Variants in AGBL1 observed in about 807,000 individuals in gnomAD.
AGBL1 encodes AGBL carboxypeptidase 1, also known as cytosolic carboxypeptidase 4.
Under a neutral mutation model 118.9 loss-of-function variants are expected in AGBL1, and 130 were observed. The ratio of observed to expected loss-of-function variants is 1.09; its 90% CI spans 0.95 to 1.26. The LOEUF is 1.26. AGBL1 is among the 50% of genes most tolerant of loss of function. The probability of loss-of-function intolerance (pLI) is 0.00; values close to 1 mark genes in which losing one functional copy is unlikely to be tolerated. For synonymous variants in AGBL1, 555 were observed against 478.9 expected, an observed-to-expected ratio of 1.16 and a Z score of -2.08; for missense variants, 1,584 against 1,298.1, an observed-to-expected ratio of 1.22 and a Z score of -3.38.
In AGBL1 at chr15:86,298,259, A is replaced by ATATATATATATATGGTAAC. The variant is rs1567185647; in HGVS notation, c.2374+2864_2374+2865insGGTAACTATATATATATAT. On this transcript the variant is annotated intron_variant, in intron 17 of 22. Coordinates refer to ENST00000614907, the MANE Select transcript of AGBL1 (RefSeq NM_001386094.1). Reference sequence around the variant, plus strand: ...GTGTCTGTGTATAATATATATATATATATATATATATATATATATATGGTA... The same window carrying ATATATATATATATGGTAAC: ...GTGTCTGTGTATAATATATATATATATATATATATATATGGTAACTATATATATATATATATATATGGTA... 4.4e-4 allele frequency among the ~76,000 whole-genome samples: 42 copies of ATATATATATATATGGTAAC among 96,076 alleles called. 1 individual carries two copies. The highest frequency in any genetic ancestry group is 4.7e-3 in the Middle Eastern group (1 of 214). The allele number at this position is 96,076 out of a possible 152,430, so 63.0% of individuals were successfully genotyped here.
intron 18 of AGBL1, among the ~76,000 whole-genome samples, chr15:86,489,740 C>CA (rs1421687150): frequency 1.3e-5 from 2 of 152,232 alleles, no homozygotes; most frequent in Non-Finnish European, 2.9e-5. Flanking sequence ...AAGCCCAAGA[C>CA]ATTTGCGATT....
chr15:86,651,440 A>G (rs1419571347), intron 21 of AGBL1, among the ~76,000 whole-genome samples: 2 of 152,198 alleles, frequency 1.3e-5, no homozygotes, highest in African/African-American at 4.8e-5. Flanking sequence ...AGAAACACAT[A>G]AGAAATGGCA....
At chr15:86,605,736 G>A (rs1027668171) in intron 21 of AGBL1, among the ~76,000 whole-genome samples, 1 of 148,418 alleles carries the variant, frequency 6.7e-6, no homozygotes, top group African/African-American at 2.5e-5. Flanking sequence ...TTACTGACGT[G>A]GACTCAGGCT....
chr15:86,891,865 A>G (rs2080057224), intron 22 of AGBL1, among the ~76,000 whole-genome samples: 1 of 152,208 alleles, frequency 6.6e-6, no homozygotes, highest in Non-Finnish European at 1.5e-5. Flanking sequence ...GAGCAAATGA[A>G]TGTGGTTTGG....
chr15:86,606,126 C>CAAAAAAAAAAAAAAAAAAAA (rs10675845), intron 21 of AGBL1, among the ~76,000 whole-genome samples: 1 of 96,866 alleles, frequency 1.0e-5, no homozygotes, highest in Non-Finnish European at 1.9e-5. Flanking sequence ...GACTCCATCT[C>CAAAAAAAAAAAAAAAAAAAA]AAAAAAAAAA....
intron 23 of AGBL1, among the ~76,000 whole-genome samples, chr15:86,963,962 G>A (rs566712268): frequency 6.6e-6 from 1 of 150,460 alleles, no homozygotes; most frequent in Non-Finnish European, 1.5e-5. Flanking sequence ...AGAATAGAAA[G>A]CCAGCTCTGC....
chr15:86,096,970 G>C (rs113864811), intron 1 of AGBL1, among the ~76,000 whole-genome samples: 1 of 152,066 alleles, frequency 6.6e-6, no homozygotes, highest in Non-Finnish European at 1.5e-5. Context: ...TAATAGGAGG[G>C]ACCTAAAACA....
At chr15:86,924,519 T>A (rs1218645565) in intron 23 of AGBL1, among the ~76,000 whole-genome samples, 1 of 152,198 alleles carries the variant, frequency 6.6e-6, no homozygotes, top group Non-Finnish European at 1.5e-5. Flanking sequence ...ATAATGAATG[T>A]GGAGGGTGCT....
At chr15:86,207,370 G>A (rs1010818092) in intron 5 of AGBL1, among the ~76,000 whole-genome samples, 4 of 152,172 alleles carry the variant, frequency 2.6e-5, no homozygotes, top group Non-Finnish European at 5.9e-5. Context: ...TAGCTTGATG[G>A]GGATGGCATT....
intron 22 of AGBL1, among the ~76,000 whole-genome samples, chr15:86,905,958 C>G (rs2080275216): frequency 6.6e-6 from 1 of 152,204 alleles, no homozygotes; most frequent in Admixed American, 6.5e-5. Flanking sequence ...CAATGTCCCA[C>G]CAGACCTTCA....
At chr15:86,080,948 T>A (rs1407532099) in intron 1 of AGBL1, among the ~76,000 whole-genome samples, 2 of 149,036 alleles carry the variant, frequency 1.3e-5, no homozygotes, top group East Asian at 3.9e-4. Flanking sequence ...CGGGGGGGGG[T>A]CCATGACCCC....
At chr15:86,992,694 G>C (rs1596716694) in intron 24 of AGBL1, among the ~76,000 whole-genome samples, 1 of 150,714 alleles carries the variant, frequency 6.6e-6, no homozygotes, top group South Asian at 2.1e-4. Context: ...TTGCCAACCA[G>C]GATTGCAAGG....
intron 22 of AGBL1, among the ~76,000 whole-genome samples, chr15:86,688,298 AAAG>A (rs1347741215): frequency 6.6e-6 from 1 of 151,976 alleles, no homozygotes; most frequent in African/African-American, 2.4e-5. Flanking sequence ...AAGGGAGGAG[AAAG>A]AAGGGAAGGA....
chr15:86,512,467 C>A (rs977431403), intron 18 of AGBL1, among the ~76,000 whole-genome samples: 6 of 151,688 alleles, frequency 4.0e-5, no homozygotes, highest in South Asian at 4.2e-4. Context: ...GTTCAATTTT[C>A]TTTTGAAACA....
intron 22 of AGBL1, among the ~76,000 whole-genome samples, chr15:86,723,976 C>T (rs1439647516): frequency 6.6e-6 from 1 of 152,106 alleles, no homozygotes; most frequent in Non-Finnish European, 1.5e-5. Context: ...TGGCTCAAGC[C>T]TGTAATCCCA....
chr15:86,240,126 C>T (rs2078618963), intron 6 of AGBL1, among the ~76,000 whole-genome samples: 1 of 152,190 alleles, frequency 6.6e-6, no homozygotes. Flanking sequence ...AGTTGTTTAA[C>T]TTCTCTTAGC....
chr15:86,793,277 C>A (rs556947688), intron 22 of AGBL1, among the ~76,000 whole-genome samples: 1 of 152,148 alleles, frequency 6.6e-6, no homozygotes, highest in South Asian at 2.1e-4. Context: ...GGAAGACTGG[C>A]ATAACTCTAG....
At chr15:86,207,164 G>A (rs949391808) in intron 5 of AGBL1, among the ~76,000 whole-genome samples, 12 of 152,058 alleles carry the variant, frequency 7.9e-5, no homozygotes, top group African/African-American at 2.9e-4. Flanking sequence ...TGTTCCATTG[G>A]TCTATCTCTC....
chr15:86,720,825 C>T (rs531848307), intron 22 of AGBL1, among the ~76,000 whole-genome samples: 10 of 152,166 alleles, frequency 6.6e-5, no homozygotes, highest in Non-Finnish European at 1.5e-4. Context: ...ATATCACCAC[C>T]GATGCCACAG....
Sources: gnomAD v4.1 joint callset for allele counts (sites outside exome capture counted in the v4.1 genomes callset) on GRCh38, gnomAD v4.1.1 for gene constraint, MANE v1.5 for transcripts, NCBI Gene and HGNC (gene_info 2026-07-23, HGNC 2026-07-21) for gene names.